The following BCAP29 variants were observed in gnomAD, a reference collection of about 807,000 sequenced individuals.
BCAP29 encodes the protein B-cell receptor-associated protein 29.
In BCAP29, 34 loss-of-function variants were observed where a neutral mutation model predicts 31.8. The ratio of observed to expected loss-of-function variants is 1.07; its 90% CI spans 0.81 to 1.42. BCAP29 has a LOEUF of 1.42. Ranked by LOEUF, BCAP29 falls within the 40% of genes most tolerant of loss-of-function variation. BCAP29 has a pLI of 0.00. For missense variants in BCAP29, 314 were observed against 269.2 expected, an observed-to-expected ratio of 1.17 and a Z score of -1.16; for synonymous variants, 104 against 91.3, an observed-to-expected ratio of 1.14 and a Z score of -0.79.
At chr7:107,604,301 A>G (rs1483510819) in intron 6 of BCAP29, among the ~76,000 whole-genome samples, 1 of 152,210 alleles carries the variant, frequency 6.6e-6, no homozygotes, top group Non-Finnish European at 1.5e-5. Context: ...GCCAGTTAAC[A>G]TAGGGACCAG....
intron 6 of BCAP29, among the ~76,000 whole-genome samples, chr7:107,604,338 T>G (rs1378330584): frequency 6.6e-6 from 1 of 152,172 alleles, no homozygotes; most frequent in African/African-American, 2.4e-5. Context: ...GAAGTGTTTT[T>G]CCAGAGAAAT....
chr7:107,609,523 T>G (rs140208661), intron 6 of BCAP29, among the ~76,000 whole-genome samples: 1 of 152,306 alleles, frequency 6.6e-6, no homozygotes, highest in East Asian at 1.9e-4. Flanking sequence ...CAACAAACTT[T>G]ATCAACAGAT....
rs543693748 is a variant in BCAP29, at chr7:107,618,495, A to G, written c.*132A>G. The stretch of plus-strand genomic sequence containing the variant: ...TTTTTTAATGCCACACATAGGTTGT[A>G]TTGTAATGGCATTATCAAAATATTT... On this transcript the variant is annotated 3_prime_UTR_variant, in exon 8 of 8. Coordinates refer to ENST00000005259, the MANE Select transcript of BCAP29 (RefSeq NM_018844.4). 6.8e-5 allele frequency: 109 copies of G among 1,612,374 alleles called. No individual in the cohort carries two copies. Among genetic ancestry groups the G allele is most frequent in the Middle Eastern group, 1.7e-4 (1 of 6,054 alleles).
chr7:107,594,516 T>TGTTTG (rs1809453247), intron 4 of BCAP29, among the ~76,000 whole-genome samples: 1 of 149,628 alleles, frequency 6.7e-6, no homozygotes, highest in Non-Finnish European at 1.5e-5. Context: ...TTTGTTTGTT[T>TGTTTG]TTTAAGATGG....
chr7:107,620,493 T>G (rs1184857524), downstream of BCAP29: 1 of 152,208 alleles, frequency 6.6e-6, no homozygotes, highest in Non-Finnish European at 1.5e-5. Flanking sequence ...TGTTGCATAT[T>G]AAATTACTTT....
chr7:107,617,348 C>T (rs1562801249), intron 7 of BCAP29, among the ~76,000 whole-genome samples: 1 of 152,110 alleles, frequency 6.6e-6, no homozygotes, highest in Non-Finnish European at 1.5e-5. Flanking sequence ...TCCCAATTTG[C>T]ATCTTTTAAA....
chr7:107,603,205 T>C (rs186779168), intron 6 of BCAP29, among the ~76,000 whole-genome samples: 1 of 152,088 alleles, frequency 6.6e-6, no homozygotes, highest in East Asian at 1.9e-4. Context: ...CTCCTGACCT[T>C]GTGATCTGCC....
chr7:107,612,382 T>A (rs1289043073), intron 6 of BCAP29, among the ~76,000 whole-genome samples: 1 of 134,444 alleles, frequency 7.4e-6, no homozygotes, highest in East Asian at 2.2e-4. Context: ...TTCTTCACAA[T>A]GTATTGTTTT....
intron 6 of BCAP29, among the ~76,000 whole-genome samples, chr7:107,605,932 A>G (rs1417203563): frequency 6.6e-6 from 1 of 152,250 alleles, no homozygotes; most frequent in African/African-American, 2.4e-5. Context: ...TTTCCTTAGC[A>G]TGTACAACAA....
intron 6 of BCAP29, among the ~76,000 whole-genome samples, chr7:107,604,687 T>TGTTG (rs771790567): frequency 1.7e-5 from 2 of 120,384 alleles, no homozygotes; most frequent in Middle Eastern, 7.6e-3. Flanking sequence ...TTGTTGTTGT[T>TGTTG]TTTTTTTTTT....
At chr7:107,621,549 T>TA, downstream of BCAP29, 1 of 371,394 alleles carries the variant, frequency 2.7e-6, no homozygotes, top group Middle Eastern at 1.0e-3. Context: ...AAGATATGAT[T>TA]AAGTTAAAGT....
At chr7:107,584,942 G>T (rs185453943) in intron 3 of BCAP29, among the ~76,000 whole-genome samples, 1 of 152,228 alleles carries the variant, frequency 6.6e-6, no homozygotes, top group Admixed American at 6.5e-5. Flanking sequence ...TCGTTTTTCA[G>T]CATGTTTTAA....
rs933065245 is a variant in BCAP29 at position 107,600,462 on chromosome 7, A to C, written c.546A>C (p.Glu182Asp). The change falls in exon 6 of 8, where the codon GAA becomes GAC. Residue 182 changes from glutamate to aspartate, a missense_variant. Physicochemically the swap from Glu to Asp is conservative, Grantham distance 45. Transcript: ENST00000005259. Reference sequence around the variant, plus strand: ...AAGCAGAAAATAAAAAACTAGTAGAAGACCAGGAGAAACTGAAAACTGAAT... The same window carrying C: ...AAGCAGAAAATAAAAAACTAGTAGACGACCAGGAGAAACTGAAAACTGAAT... ...VLEAENKKLVEDQEKLKTELR... is the reference protein window; with the variant it reads ...VLEAENKKLVDDQEKLKTELR... 17 of 1,610,838 alleles carry C rather than the reference A, an allele frequency of 1.1e-5. No homozygotes were observed. The highest frequency in any genetic ancestry group is 1.3e-5 in the Non-Finnish European group (15 of 1,178,008).
At chr7:107,582,309 AT>A (rs1223590545) in intron 2 of BCAP29, among the ~76,000 whole-genome samples, 4 of 152,228 alleles carry the variant, frequency 2.6e-5, no homozygotes, top group African/African-American at 9.6e-5. Flanking sequence ...AGATGTGTGT[AT>A]ATTTGCATAT....
chr7:107,580,717 G>A, intron 1 of BCAP29, 42 bp from the exon 2 acceptor site: 1 of 1,442,344 alleles, frequency 6.9e-7, no homozygotes, highest in South Asian at 1.2e-5. Flanking sequence ...ACCCGGTTTT[G>A]TTTGAAAGGA....
chr7:107,580,650 G>A, intron 1 of BCAP29, 109 bp from the exon 2 acceptor site: 2 of 716,126 alleles, frequency 2.8e-6, no homozygotes, highest in Non-Finnish European at 4.6e-6. Context: ...TCCCAGGTGG[G>A]GGAAGGTGGA....
At chr7:107,589,765 A>G (rs1251829297) in intron 3 of BCAP29, among the ~76,000 whole-genome samples, 1 of 152,224 alleles carries the variant, frequency 6.6e-6, no homozygotes, top group Non-Finnish European at 1.5e-5. Flanking sequence ...GTCTCAATAA[A>G]TACAAAGGAT....
intron 6 of BCAP29, 110 bp downstream of exon 6, chr7:107,600,615 A>G (rs1811002460): frequency 1.7e-6 from 1 of 574,004 alleles, no homozygotes; most frequent in Non-Finnish European, 3.0e-6. Flanking sequence ...CTTCTAAGAT[A>G]CCGAGAATGA....
At position 107,596,047 on chromosome 7, in the gene BCAP29, G is replaced by A. The variant is rs774384207; in HGVS notation, c.480+45G>A. On this transcript the variant is annotated intron_variant, in intron 5 of 7. Transcript: ENST00000005259. ...AAAATTAAATGTTGTTGGTGTTCCC[G>A]AGGAGTAATGTATTTGTTTTCAGCA... The A allele has an allele frequency of 3.0e-5, 45 of 1,484,888 alleles. No individual in the cohort carries two copies. The East Asian group carries it at 5.0e-4, about 17-fold the overall frequency. 92.0% of individuals were successfully genotyped at this position (1,484,888 alleles called of 1,614,324 possible).
Sources: gnomAD v4.1 joint callset for allele counts (sites outside exome capture counted in the v4.1 genomes callset) on GRCh38, gnomAD v4.1.1 for gene constraint, MANE v1.5 for transcripts, NCBI Gene and HGNC (gene_info 2026-07-23, HGNC 2026-07-21) for gene names.